FGR: variants seen among roughly 807,000 people sequenced by gnomAD.
The protein encoded by FGR is FGR proto-oncogene, Src family tyrosine kinase.
A neutral mutation model predicts 63.2 loss-of-function variants in FGR; 26 were observed. That is an observed-to-expected ratio of 0.41 (90% CI 0.30 to 0.57). FGR has a LOEUF of 0.57. FGR is among the 20% of genes least tolerant of loss of function. FGR has a pLI of 0.27. For synonymous variants in FGR, 286 were observed against 277.7 expected, an observed-to-expected ratio of 1.03 and a Z score of -0.30; for missense variants, 511 against 690.8, an observed-to-expected ratio of 0.74 and a Z score of 2.92.
intron 1 of FGR, among the ~76,000 whole-genome samples, chr1:27,634,342 A>G (rs1002475696): frequency 6.6e-6 from 1 of 152,002 alleles, no homozygotes; most frequent in Non-Finnish European, 1.5e-5. Flanking sequence ...GTCCCTGCCG[A>G]GGGCGGGGAC....
In FGR at chr1:27,623,820, G is replaced by A. The variant is rs1296872415; in HGVS notation, c.97C>T (p.His33Tyr). ...GDFRSYGAAD[H>Y]YGPDPTKARP... The stretch of plus-strand genomic sequence containing the variant: ...GCCTTAGTGGGGTCAGGCCCATAGT[G>A]GTCTGCTGCCCCGTAGCTTCTGAAG... The change falls in exon 3 of 13, where the codon CAC becomes TAC. Residue 33 changes from histidine (H) to tyrosine (Y), a missense_variant. Transcript: ENST00000374005. 6.2e-7 allele frequency: 1 copy of A among 1,614,078 alleles called. No homozygotes were observed. Among genetic ancestry groups the A allele is most frequent in the African/African-American group, 1.3e-5 (1 of 74,930 alleles).
chr1:27,621,330 G>A (rs915977679), intron 5 of FGR, among the ~76,000 whole-genome samples: 5 of 152,146 alleles, frequency 3.3e-5, no homozygotes, highest in South Asian at 2.1e-4. Flanking sequence ...TTCTAACCCC[G>A]TTAATACACA....
At chr1:27,614,731 C>T in intron 10 of FGR, 119 bp downstream of exon 10, 1 of 1,324,958 alleles carries the variant, frequency 7.5e-7, no homozygotes, top group Admixed American at 2.1e-5. Context: ...TCAGGCACAG[C>T]TGGAGGCACA....
In FGR at chr1:27,617,962, G is replaced by A. The variant is rs2089845189; in HGVS notation, c.429-666C>T. 6.6e-6 allele frequency among the ~76,000 whole-genome samples: 1 copy of A among 152,196 alleles called. No homozygotes were observed. The highest frequency in any genetic ancestry group is 1.5e-5 in the Non-Finnish European group (1 of 68,038). The stretch of plus-strand genomic sequence containing the variant: ...ATTGAACCGTAGCCCTAAACCAACT[G>A]TGCAGGTACAATGGGGGAGCTGAAG... On this transcript the variant is annotated intron_variant, in intron 5 of 12. Coordinates refer to ENST00000374005, the MANE Select transcript of FGR (RefSeq NM_005248.3). This position sits in a 1 kb window ranked among gnomAD's most constrained non-coding sequence, Gnocchi z 4.5.
intron 11 of FGR, among the ~76,000 whole-genome samples, chr1:27,614,011 G>A (rs1414174028): frequency 6.6e-5 from 10 of 152,306 alleles, no homozygotes; most frequent in African/African-American, 2.4e-4. Flanking sequence ...AGGAAACGGA[G>A]ACACTGAGTA....
intron 1 of FGR, among the ~76,000 whole-genome samples, chr1:27,633,166 G>C (rs1235270583): frequency 1.3e-5 from 2 of 152,146 alleles, no homozygotes; most frequent in Non-Finnish European, 2.9e-5. Flanking sequence ...CTCCTCCCCG[G>C]AGGGTACATG....
At chr1:27,632,535 C>T (rs1284080255) in intron 1 of FGR, among the ~76,000 whole-genome samples, 1 of 152,212 alleles carries the variant, frequency 6.6e-6, no homozygotes, top group Non-Finnish European at 1.5e-5. Context: ...GACTCCACCA[C>T]CACCGTGGTG....
chr1:27,631,308 G>C (rs1384991722), intron 1 of FGR, among the ~76,000 whole-genome samples: 1 of 152,158 alleles, frequency 6.6e-6, no homozygotes, highest in Non-Finnish European at 1.5e-5. Flanking sequence ...ACCCAGCAGG[G>C]AGGGACCCTG....
In FGR at chr1:27,617,987, G is replaced by A. The variant is rs1014061877; in HGVS notation, c.429-691C>T. On this transcript the variant is annotated intron_variant, in intron 5 of 12. Coordinates refer to ENST00000374005, the MANE Select transcript of FGR (RefSeq NM_005248.3). This position sits in a 1 kb window ranked among gnomAD's most constrained non-coding sequence, Gnocchi z 4.5. Reference sequence around the variant, plus strand: ...GTGCAGGTACAATGGGGGAGCTGAAGTGACCACAGGTGCCATAGAAGACTC... The same window carrying A: ...GTGCAGGTACAATGGGGGAGCTGAAATGACCACAGGTGCCATAGAAGACTC... Among the ~76,000 whole-genome samples, 1 of 152,206 alleles carries A rather than the reference G, an allele frequency of 6.6e-6. No homozygotes were observed. The highest frequency in any genetic ancestry group is 1.5e-5 in the Non-Finnish European group (1 of 68,032).
intron 5 of FGR, among the ~76,000 whole-genome samples, chr1:27,619,938 T>C (rs1438682188): frequency 2.0e-5 from 3 of 152,212 alleles, no homozygotes; most frequent in African/African-American, 7.2e-5. Flanking sequence ...TCCCTTCTTT[T>C]CTCATATATG....
intron 5 of FGR, among the ~76,000 whole-genome samples, chr1:27,619,351 C>T (rs559483087): frequency 1.4e-4 from 22 of 152,248 alleles, no homozygotes; most frequent in Admixed American, 1.0e-3. Flanking sequence ...CCACTACACC[C>T]GGCTAATTTT....
intron 1 of FGR, among the ~76,000 whole-genome samples, chr1:27,634,437 GGGTCGCGGGGCCGC>G (rs974309855): frequency 2.6e-4 from 39 of 152,338 alleles, no homozygotes; most frequent in Admixed American, 1.6e-3. Context: ...CGGGCCGAGA[GGGTCGCGGGGCCGC>G]GGTCGCGGCC....
At chr1:27,622,318 A>T (rs2089944721) in intron 4 of FGR, among the ~76,000 whole-genome samples, 1 of 149,762 alleles carries the variant, frequency 6.7e-6, no homozygotes, top group Non-Finnish European at 1.5e-5. Flanking sequence ...AGCCTGGCAG[A>T]ATCTGCCTCT....
Position 27,617,543 on chromosome 1 carries a change from A to G in FGR, c.429-247T>C, listed in dbSNP as rs2089838332. Among the ~76,000 whole-genome samples the G allele has an allele frequency of 6.6e-6, 1 of 152,072 alleles. No individual in the cohort carries two copies. The highest frequency in any genetic ancestry group is 1.5e-5 in the Non-Finnish European group (1 of 68,008). Reference sequence around the variant, plus strand: ...TTTCTCTTGAATTAAAATTGCTACAATCACAGTCATCAGGGTGCCATGGAG... The same window carrying G: ...TTTCTCTTGAATTAAAATTGCTACAGTCACAGTCATCAGGGTGCCATGGAG... On this transcript the variant is annotated intron_variant, in intron 5 of 12. Coordinates refer to ENST00000374005, the MANE Select transcript of FGR (RefSeq NM_005248.3). This position sits in a 1 kb window ranked among gnomAD's most constrained non-coding sequence, Gnocchi z 4.5.
chr1:27,617,344 A>C lies in FGR; in HGVS notation c.429-48T>G, dbSNP rs1019856936. ...GTCAGGTACGCTCTGCTCAAACCTC[A>C]CCTCAGCCTCCTGCACAGTCACCTC... On this transcript the variant is annotated intron_variant, in intron 5 of 12. Coordinates refer to ENST00000374005, the MANE Select transcript of FGR (RefSeq NM_005248.3). The surrounding 1 kb of genome is among the most constrained non-coding windows in gnomAD (Gnocchi z 4.5). The C allele has an allele frequency of 1.5e-6, 2 of 1,372,922 alleles. No individual in the cohort carries two copies. Among genetic ancestry groups the C allele is most frequent in the Non-Finnish European group, 1.0e-6 (1 of 963,444 alleles). 85.0% of individuals were successfully genotyped at this position (1,372,922 alleles called of 1,614,324 possible).
chr1:27,620,991 C>CAA (rs59265327), intron 5 of FGR, among the ~76,000 whole-genome samples: 221 of 22,018 alleles, frequency 0.01, 19 homozygotes, highest in African/African-American at 0.017. Context: ...GACCCTGTCT[C>CAA]AAAAAAAAAA....
rs762418636 is a variant in FGR at position 27,615,967 on chromosome 1, G to A, written c.683-123C>T. ...TATAAGGAACTAGGCCCCAAGTGAGGTCACAGGCCAGGAAGAAAGGCAACC... is the reference window on the plus strand; with the variant it reads ...TATAAGGAACTAGGCCCCAAGTGAGATCACAGGCCAGGAAGAAAGGCAACC... On this transcript the variant is annotated intron_variant, in intron 7 of 12. Transcript: ENST00000374005. The surrounding 1 kb of genome is among the most constrained non-coding windows in gnomAD (Gnocchi z 7.6). 5.7e-5 allele frequency: 64 copies of A among 1,128,438 alleles called. No individual in the cohort carries two copies. The highest frequency in any genetic ancestry group is 7.3e-5 in the Non-Finnish European group (60 of 820,024). The allele number at this position is 1,128,438 out of a possible 1,614,324, so 69.9% of individuals were successfully genotyped here. A position where few individuals can be genotyped will look rare whatever the true frequency, so the allele number is the denominator to read the frequency against.
rs112781989 is a variant in FGR, at chr1:27,621,966, T to C, written c.330-309A>G. Among the ~76,000 whole-genome samples, 75 of 152,174 alleles carry C rather than the reference T, an allele frequency of 4.9e-4. No individual in the cohort carries two copies. The Middle Eastern group carries it at 0.01, about 21-fold the overall frequency. ...GACTAGGTCACTTCCCCACAGAAAA[T>C]GGCTACTGATTTCCTTCTGGATAAA... is the stretch of plus-strand genomic sequence containing the variant. On this transcript the variant is annotated intron_variant, in intron 4 of 12. Coordinates refer to ENST00000374005, the MANE Select transcript of FGR (RefSeq NM_005248.3).
intron 1 of FGR, among the ~76,000 whole-genome samples, chr1:27,633,057 C>T (rs2090129301): frequency 6.6e-6 from 1 of 152,110 alleles, no homozygotes; most frequent in Admixed American, 6.5e-5. Flanking sequence ...TCACTCAGAG[C>T]CCAAAACATA....
Sources: allele counts gnomAD v4.1 joint callset (sites outside exome capture counted in the v4.1 genomes callset), GRCh38; gene constraint gnomAD v4.1.1; non-coding constraint Gnocchi (gnomAD v3.1); transcripts MANE v1.5; gene names NCBI Gene and HGNC (gene_info 2026-07-23, HGNC 2026-07-21).